The following P4HA1 variants were observed in gnomAD, a reference collection of about 807,000 sequenced individuals.
P4HA1 encodes prolyl 4-hydroxylase subunit alpha-1.
A neutral mutation model predicts 72.8 loss-of-function variants in P4HA1; 24 were observed. The ratio of observed to expected loss-of-function variants is 0.33; its 90% CI spans 0.24 to 0.46. The LOEUF (loss-of-function observed/expected upper bound fraction) is 0.46. Ranked by LOEUF, P4HA1 falls within the 20% of genes least tolerant of loss-of-function variation. The pLI, the probability that P4HA1 is intolerant of heterozygous loss-of-function variation, is 1.00. For synonymous variants in P4HA1, 201 were observed against 218.8 expected (o/e 0.92, Z 0.72); for missense variants, 446 against 640.6 (o/e 0.70, Z 3.28).
In P4HA1 at chr10:73,052,131, T is replaced by C. The variant is rs116494808; in HGVS notation, c.704-882A>G. ...CCACTAACTGCCTCAGAATTGCTAGTCATAATTTTGAACTACCTTTTAGTA... is the reference window on the plus strand; with the variant it reads ...CCACTAACTGCCTCAGAATTGCTAGCCATAATTTTGAACTACCTTTTAGTA... On this transcript the variant is annotated intron_variant, in intron 6 of 14. Coordinates refer to ENST00000394890, the MANE Select transcript of P4HA1 (RefSeq NM_001017962.3). Among the ~76,000 whole-genome samples the C allele has an allele frequency of 1.2e-3, 184 of 151,444 alleles. 1 individual carries two copies. The highest frequency in any genetic ancestry group is 4.3e-3 in the African/African-American group (178 of 41,304).
intron 1 of P4HA1, 122 bp downstream of exon 1, chr10:73,096,644 A>G (rs1842175784): frequency 6.5e-6 from 1 of 153,142 alleles, no homozygotes; most frequent in African/African-American, 2.4e-5. Context: ...TGCTGTGGTA[A>G]CCTGGGGAAC....
At chr10:73,078,674 C>T (rs1841758433) in intron 1 of P4HA1, among the ~76,000 whole-genome samples, 1 of 137,920 alleles carries the variant, frequency 7.3e-6, no homozygotes, top group Non-Finnish European at 1.5e-5. Flanking sequence ...TGTAGTAGCG[C>T]AATCTCAGCT....
At chr10:73,042,399 G>A (rs867399930) in intron 9 of P4HA1, among the ~76,000 whole-genome samples, 15 of 152,126 alleles carry the variant, frequency 9.9e-5, no homozygotes, top group Middle Eastern at 3.2e-3. Flanking sequence ...AAATTTCTCT[G>A]AGTACCTCCT....
chr10:73,053,293 T>A, intron 6 of P4HA1, 58 bp downstream of exon 6: 1 of 1,501,372 alleles, frequency 6.7e-7, no homozygotes, highest in Non-Finnish European at 9.1e-7. Context: ...GACAGAAAAA[T>A]AGAGAATATA....
intron 9 of P4HA1, among the ~76,000 whole-genome samples, chr10:73,035,833 A>G (rs575414380): frequency 1.3e-5 from 2 of 152,338 alleles, no homozygotes; most frequent in Admixed American, 1.3e-4. Flanking sequence ...CAATCTTAGC[A>G]AGGCAAAAAT....
intron 10 of P4HA1, among the ~76,000 whole-genome samples, chr10:73,022,561 A>T (rs1022983281): frequency 6.6e-6 from 1 of 152,190 alleles, no homozygotes. Flanking sequence ...AAAAGCTGAA[A>T]CTTCTAAAGA....
At chr10:73,086,088 G>A (rs1408790832) in intron 1 of P4HA1, among the ~76,000 whole-genome samples, 1 of 152,190 alleles carries the variant, frequency 6.6e-6, no homozygotes, top group Admixed American at 6.5e-5. Context: ...TGGTAAAAAC[G>A]TAAAATGAGG....
chr10:73,029,693 A>G (rs759651385), intron 10 of P4HA1, among the ~76,000 whole-genome samples: 6 of 149,702 alleles, frequency 4.0e-5, no homozygotes, highest in Non-Finnish European at 7.4e-5. Context: ...CATGGATTTT[A>G]TGTTTATTCC....
At chr10:73,083,936 TTTTAA>T (rs1361473469) in intron 1 of P4HA1, among the ~76,000 whole-genome samples, 1 of 152,214 alleles carries the variant, frequency 6.6e-6, no homozygotes, top group African/African-American at 2.4e-5. Context: ...TGATAAACAT[TTTTAA>T]TTTAAAAAAA....
chr10:73,048,757 G>A (rs1010479381), intron 7 of P4HA1, among the ~76,000 whole-genome samples: 2 of 152,104 alleles, frequency 1.3e-5, no homozygotes, highest in Non-Finnish European at 2.9e-5. Context: ...GAATTTTTAG[G>A]TGATAATGGT....
intron 9 of P4HA1, among the ~76,000 whole-genome samples, chr10:73,035,862 T>G (rs1840558030): frequency 6.6e-6 from 1 of 152,212 alleles, no homozygotes; most frequent in African/African-American, 2.4e-5. Context: ...GGTTTAAATT[T>G]TTTAAGTTTT....
At chr10:73,053,293 T>C in intron 6 of P4HA1, 58 bp downstream of exon 6, 5 of 1,501,374 alleles carry the variant, frequency 3.3e-6, no homozygotes, top group Non-Finnish European at 4.5e-6. Context: ...GACAGAAAAA[T>C]AGAGAATATA....
At position 73,066,702 on chromosome 10, in the gene P4HA1, G is replaced by A. The variant is rs117090383; in HGVS notation, c.463+2144C>T. Among the ~76,000 whole-genome samples the A allele has an allele frequency of 9.1e-4, 139 of 152,144 alleles. 3 individuals carry two copies. The East Asian group carries it at 0.021, about 23-fold the overall frequency. ...TTAATAATCCCCACCTATCAAGGGCGGGACAAGGTGGAGATAACTGCATCA... is the reference window on the plus strand; with the variant it reads ...TTAATAATCCCCACCTATCAAGGGCAGGACAAGGTGGAGATAACTGCATCA... On this transcript the variant is annotated intron_variant, in intron 5 of 14. Transcript: ENST00000394890.
intron 5 of P4HA1, among the ~76,000 whole-genome samples, chr10:73,068,542 A>G (rs565930666): frequency 1.3e-5 from 2 of 152,310 alleles, no homozygotes; most frequent in Admixed American, 1.3e-4. Context: ...AAATAGTATT[A>G]GGTGTTCTGA....
At chr10:73,062,088 C>A (rs79402761) in intron 5 of P4HA1, among the ~76,000 whole-genome samples, 4,484 of 152,178 alleles carry the variant, frequency 0.029, 206 homozygotes, top group African/African-American at 0.096. Flanking sequence ...GATAAAATGA[C>A]ATGATGTCTA....
rs561433960 is a variant in P4HA1 at position 73,079,496 on chromosome 10, C to T, written c.-32-4581G>A. Among the ~76,000 whole-genome samples the T allele has an allele frequency of 2.6e-5, 4 of 152,290 alleles. No homozygotes were observed. In the East Asian group the frequency reaches 5.8e-4, roughly 22 times the overall value. ...GTGGCTCACGCCTGTAATCCCAGCACTTTGGGAGGCCAAGGTGGATGGATC... is the reference window on the plus strand; with the variant it reads ...GTGGCTCACGCCTGTAATCCCAGCATTTTGGGAGGCCAAGGTGGATGGATC... On this transcript the variant is annotated intron_variant, in intron 1 of 14. Transcript: ENST00000394890.
At chr10:73,096,255 C>T (rs1026108878) in intron 1 of P4HA1, among the ~76,000 whole-genome samples, 2 of 152,156 alleles carry the variant, frequency 1.3e-5, no homozygotes, top group South Asian at 4.1e-4. Context: ...CGGCGACTTT[C>T]GATAGGGCAA....
At chr10:73,047,592 T>TAA (rs1309807355) in intron 7 of P4HA1, among the ~76,000 whole-genome samples, 15 of 74,278 alleles carry the variant, frequency 2.0e-4, no homozygotes, top group African/African-American at 6.4e-4. Context: ...AAGGGCAAAA[T>TAA]AAAAAATGGA....
intron 5 of P4HA1, among the ~76,000 whole-genome samples, chr10:73,067,386 CAT>C (rs1841450521): frequency 6.6e-6 from 1 of 152,170 alleles, no homozygotes; most frequent in Non-Finnish European, 1.5e-5. Flanking sequence ...AAGGAAAAAT[CAT>C]AAATTTCCCT....
Sources: gnomAD v4.1 joint callset for allele counts (sites outside exome capture counted in the v4.1 genomes callset) on GRCh38, gnomAD v4.1.1 for gene constraint, MANE v1.5 for transcripts, NCBI Gene and HGNC (gene_info 2026-07-23, HGNC 2026-07-21) for gene names.